The following GPR158 variants were observed in gnomAD, a reference collection of about 807,000 sequenced individuals.
The protein encoded by GPR158 is G protein-coupled receptor 158, also known as metabotropic glycine receptor.
Under a neutral mutation model 78.2 loss-of-function variants are expected in GPR158, and 30 were observed. That is an observed-to-expected ratio of 0.38 (90% CI 0.29 to 0.52). The LOEUF (loss-of-function observed/expected upper bound fraction) is 0.52. Among genes scored for constraint, GPR158 ranks in the 20% least tolerant of loss-of-function variants. The pLI is 0.83. For missense variants in GPR158, 1,463 were observed against 1,523.5 expected (o/e 0.96, Z 0.66); for synonymous variants, 581 against 591.1 (o/e 0.98, Z 0.25).
intron 5 of GPR158, among the ~76,000 whole-genome samples, chr10:25,515,471 A>C: frequency 7.0e-6 from 1 of 142,868 alleles, no homozygotes; most frequent in Non-Finnish European, 1.5e-5. Context: ...TGCACCCACT[A>C]ACTCGTCATC....
intron 4 of GPR158, among the ~76,000 whole-genome samples, chr10:25,436,751 T>C (rs376597704): frequency 1.3e-5 from 2 of 152,292 alleles, no homozygotes; most frequent in East Asian, 3.9e-4. Context: ...AAAGCACTTG[T>C]ACCAAAACTT....
chr10:25,514,993 A>G (rs758933687), intron 5 of GPR158, among the ~76,000 whole-genome samples: 5 of 152,086 alleles, frequency 3.3e-5, no homozygotes, highest in Non-Finnish European at 7.4e-5. Flanking sequence ...CTATGTGCCT[A>G]GGTGATGATC....
intron 5 of GPR158, among the ~76,000 whole-genome samples, chr10:25,536,701 A>G (rs1836505582): frequency 6.6e-6 from 1 of 152,200 alleles, no homozygotes; most frequent in South Asian, 2.1e-4. Context: ...AGATGATTCA[A>G]AAGATTTAAC....
intron 6 of GPR158, among the ~76,000 whole-genome samples, chr10:25,553,263 T>C (rs1836748796): frequency 6.7e-6 from 1 of 150,260 alleles, no homozygotes; most frequent in Non-Finnish European, 1.5e-5. Flanking sequence ...TTTGGGAAAC[T>C]GTGTTATAAC....
chr10:25,577,293 T>C (rs1239797039), intron 7 of GPR158, among the ~76,000 whole-genome samples: 1 of 152,170 alleles, frequency 6.6e-6, no homozygotes, highest in Non-Finnish European at 1.5e-5. Context: ...ACTAAATTAT[T>C]TCCTGGATCC....
chr10:25,458,086 C>A (rs77500223), intron 4 of GPR158, among the ~76,000 whole-genome samples: 2,665 of 152,146 alleles, frequency 0.018, 86 homozygotes, highest in African/African-American at 0.061. Flanking sequence ...TAAATAACAT[C>A]AAATTATGTA....
At chr10:25,345,062 C>A (rs1275601251) in intron 2 of GPR158, among the ~76,000 whole-genome samples, 1 of 151,992 alleles carries the variant, frequency 6.6e-6, no homozygotes, top group Non-Finnish European at 1.5e-5. Flanking sequence ...GGGCCAGAAT[C>A]TCAACATATG....
intron 2 of GPR158, among the ~76,000 whole-genome samples, chr10:25,387,187 G>A (rs1834233725): frequency 6.6e-6 from 1 of 152,104 alleles, no homozygotes; most frequent in African/African-American, 2.4e-5. Context: ...TCATAAAAGG[G>A]TGTTGCATTG....
At chr10:25,289,058 C>G (rs138178004) in intron 2 of GPR158, among the ~76,000 whole-genome samples, 110 of 152,314 alleles carry the variant, frequency 7.2e-4, no homozygotes, top group African/African-American at 2.4e-3. Flanking sequence ...TTGTGACTTA[C>G]AAGCAACTTG....
At chr10:25,424,864 C>G (rs907948086) in intron 4 of GPR158, among the ~76,000 whole-genome samples, 1 of 152,092 alleles carries the variant, frequency 6.6e-6, no homozygotes, top group African/African-American at 2.4e-5. Flanking sequence ...CTTGGCAATG[C>G]GGGCTCTTTT....
chr10:25,281,579 A>G (rs1350798226), intron 2 of GPR158, among the ~76,000 whole-genome samples: 5 of 152,074 alleles, frequency 3.3e-5, no homozygotes, highest in African/African-American at 1.2e-4. Context: ...CTCTGTCTCA[A>G]AACAACAACA....
chr10:25,468,594 T>C (rs932144365), intron 5 of GPR158, among the ~76,000 whole-genome samples: 3 of 152,162 alleles, frequency 2.0e-5, no homozygotes, highest in Non-Finnish European at 2.9e-5. Flanking sequence ...CCAATTAATG[T>C]TGGAAAAATT....
chr10:25,358,244 T>C (rs906761086), intron 2 of GPR158, among the ~76,000 whole-genome samples: 29 of 147,804 alleles, frequency 2.0e-4, no homozygotes, highest in African/African-American at 7.5e-4. Flanking sequence ...TTGTTTTGGA[T>C]GAGACTTTGG....
intron 4 of GPR158, among the ~76,000 whole-genome samples, chr10:25,450,286 A>G (rs1438348335): frequency 1.3e-5 from 2 of 151,870 alleles, no homozygotes; most frequent in African/African-American, 2.4e-5. Context: ...TGGGGGACCC[A>G]AGGCTGGAAG....
At chr10:25,566,644 C>T (rs779788745) in intron 6 of GPR158, among the ~76,000 whole-genome samples, 6 of 152,150 alleles carry the variant, frequency 3.9e-5, no homozygotes, top group Non-Finnish European at 7.4e-5. Context: ...TATTTAGAAC[C>T]CAGTTGTGAA....
At chr10:25,266,346 G>A (rs1293374006) in intron 2 of GPR158, among the ~76,000 whole-genome samples, 3 of 152,158 alleles carry the variant, frequency 2.0e-5, no homozygotes, top group Non-Finnish European at 4.4e-5. Flanking sequence ...GACATAACCA[G>A]TACATAGAAG....
intron 6 of GPR158, among the ~76,000 whole-genome samples, chr10:25,552,077 G>T (rs1013571340): frequency 6.6e-6 from 1 of 151,704 alleles, no homozygotes; most frequent in African/African-American, 2.4e-5. Context: ...TTATCTTTTT[G>T]GGAAAAAAAA....
chr10:25,262,327 T>C (rs1166206078), intron 2 of GPR158, among the ~76,000 whole-genome samples: 1 of 152,128 alleles, frequency 6.6e-6, no homozygotes, highest in Admixed American at 6.6e-5. Context: ...TAATGGATAA[T>C]TATCATTATT....
At chr10:25,412,524 T>A in intron 4 of GPR158, 51 bp downstream of exon 4, 1 of 1,261,576 alleles carries the variant, frequency 7.9e-7, no homozygotes, top group Non-Finnish European at 1.2e-6. Flanking sequence ...CAACCTCTTA[T>A]CTTTTTAAGC....
Sources: allele counts gnomAD v4.1 joint callset (sites outside exome capture counted in the v4.1 genomes callset), GRCh38; gene constraint gnomAD v4.1.1; transcripts MANE v1.5; gene names NCBI Gene and HGNC (gene_info 2026-07-23, HGNC 2026-07-21).